DIP2C: variants seen among roughly 807,000 people sequenced by gnomAD.
DIP2C encodes the protein disco-interacting protein 2 homolog C.
In DIP2C, 33 loss-of-function variants were observed where a neutral mutation model predicts 192.4. That is an observed-to-expected ratio of 0.17 (90% CI 0.13 to 0.23). The LOEUF is 0.23. DIP2C is among the 10% of genes least tolerant of loss of function. DIP2C has a pLI of 1.00. For missense variants in DIP2C, 1,537 were observed against 2,110.1 expected (o/e 0.73, Z 5.32); for synonymous variants, 979 against 864.1 (o/e 1.13, Z -2.33).
intron 24 of DIP2C, among the ~76,000 whole-genome samples, chr10:354,608 T>C (rs1958987393): frequency 6.6e-6 from 1 of 151,990 alleles, no homozygotes; most frequent in Non-Finnish European, 1.5e-5. Context: ...CCCCCACACA[T>C]GGGAGCAGCG....
chr10:329,673 G>A, intron 29 of DIP2C, 72 bp from the exon 30 acceptor site: 1 of 1,516,670 alleles, frequency 6.6e-7, no homozygotes, highest in Non-Finnish European at 8.9e-7. Flanking sequence ...GGAGGGCTCA[G>A]GGCAGCACTG....
intron 1 of DIP2C, chr10:649,871 A>G (rs1433301149): frequency 1.8e-6 from 1 of 543,844 alleles, no homozygotes; most frequent in African/African-American, 1.9e-5. Flanking sequence ...CTTATTATCA[A>G]ACAGGTGCAT....
intron 1 of DIP2C, among the ~76,000 whole-genome samples, chr10:530,675 GACTGTT>G (rs1265195895): frequency 1.1e-5 from 1 of 89,444 alleles, no homozygotes; most frequent in African/African-American, 4.0e-5. Flanking sequence ...AAAAAAAAAA[GACTGTT>G]ACTAACATAG....
rs200127454 is a variant in DIP2C at position 545,744 on chromosome 10, A to AT, written c.86-59215dup. ...TCTTACACTGGATCCATTTTGAGCTATTTTTTTGTGTAGGGTGAGGGAGGG... is the reference window on the plus strand; with the variant it reads ...TCTTACACTGGATCCATTTTGAGCTATTTTTTTTGTGTAGGGTGAGGGAGGG... On this transcript the variant is annotated intron_variant, in intron 1 of 36. Coordinates refer to ENST00000280886, the MANE Select transcript of DIP2C (RefSeq NM_014974.3). Among the ~76,000 whole-genome samples, 7 of 152,206 alleles carry AT rather than the reference A, an allele frequency of 4.6e-5. No individual in the cohort carries two copies. The East Asian group carries it at 5.8e-4, about 13-fold the overall frequency.
intron 1 of DIP2C, among the ~76,000 whole-genome samples, chr10:621,467 G>A (rs995230277): frequency 1.9e-4 from 29 of 150,134 alleles, no homozygotes; most frequent in Admixed American, 7.9e-4. Flanking sequence ...CTCTGTATGC[G>A]CTCACGAGTC....
intron 4 of DIP2C, among the ~76,000 whole-genome samples, chr10:431,255 G>T (rs768138184): frequency 6.6e-6 from 1 of 152,064 alleles, no homozygotes; most frequent in Non-Finnish European, 1.5e-5. Flanking sequence ...AAACTCGTTC[G>T]GATGTTGGTT....
At chr10:345,259 T>C (rs1589551828) in intron 26 of DIP2C, 149 bp from the exon 27 acceptor site, 1 of 809,150 alleles carries the variant, frequency 1.2e-6, no homozygotes, top group Non-Finnish European at 2.1e-6. Flanking sequence ...CTGGCTAAGG[T>C]AGGACAGAGC....
intron 1 of DIP2C, among the ~76,000 whole-genome samples, chr10:684,761 C>T (rs768665864): frequency 6.6e-6 from 1 of 152,196 alleles, no homozygotes; most frequent in Non-Finnish European, 1.5e-5. Context: ...ATTTTAGGAT[C>T]CCCTCTTTGG....
chr10:664,590 C>T (rs751196403), intron 1 of DIP2C: 5 of 152,104 alleles, frequency 3.3e-5, no homozygotes, highest in African/African-American at 9.7e-5. Context: ...GTTATATGTC[C>T]GGGTTAATCA....
At chr10:433,950 CTTTCT>C (rs973832125) in intron 4 of DIP2C, among the ~76,000 whole-genome samples, 10 of 150,186 alleles carry the variant, frequency 6.7e-5, no homozygotes, top group African/African-American at 2.5e-4. Flanking sequence ...ATTTTCTTTC[CTTTCT>C]TATCATATCA....
intron 29 of DIP2C, among the ~76,000 whole-genome samples, chr10:331,925 C>G (rs116613896): frequency 0.018 from 2,722 of 150,772 alleles, 79 homozygotes; most frequent in African/African-American, 0.063. Flanking sequence ...TTAACCACTT[C>G]TTTTCTTTTT....
intron 31 of DIP2C, 42 bp downstream of exon 31, chr10:326,964 G>C: frequency 6.3e-7 from 1 of 1,582,220 alleles, no homozygotes; most frequent in Non-Finnish European, 8.6e-7. Flanking sequence ...CACCCCGGGA[G>C]CCACACTTCC....
chr10:416,302 C>T (rs1965632390), intron 6 of DIP2C, among the ~76,000 whole-genome samples: 1 of 152,052 alleles, frequency 6.6e-6, no homozygotes, highest in South Asian at 2.1e-4. Flanking sequence ...TCTATCTCTC[C>T]AGAGACCACC....
chr10:567,733 G>A (rs1207333972), intron 1 of DIP2C, among the ~76,000 whole-genome samples: 1 of 152,114 alleles, frequency 6.6e-6, no homozygotes, highest in Non-Finnish European at 1.5e-5. Flanking sequence ...CGCCTCCCAG[G>A]ATCAAGGGAT....
At chr10:445,341 T>A (rs1475085298) in intron 3 of DIP2C, among the ~76,000 whole-genome samples, 1 of 151,874 alleles carries the variant, frequency 6.6e-6, no homozygotes, top group Non-Finnish European at 1.5e-5. Context: ...TGTCTTGCAC[T>A]GGACATCTGT....
intron 1 of DIP2C, among the ~76,000 whole-genome samples, chr10:513,182 T>TGTAGCC (rs1196157941): frequency 3.3e-5 from 5 of 152,038 alleles, no homozygotes; most frequent in Non-Finnish European, 7.4e-5. Context: ...CTTCAGGTGC[T>TGTAGCC]GTATGCCTAA....
chr10:324,847 C>T (rs747910842), intron 31 of DIP2C: 30 of 483,450 alleles, frequency 6.2e-5, no homozygotes, highest in Admixed American at 4.4e-4. Context: ...AACACCAGCA[C>T]GCCAACTCTG....
intron 32 of DIP2C, among the ~76,000 whole-genome samples, chr10:291,882 T>C (rs1455844486): frequency 6.6e-6 from 1 of 152,136 alleles, no homozygotes; most frequent in East Asian, 1.9e-4. Context: ...TGGAGGGAGA[T>C]GCAGAGGTCT....
At chr10:577,326 G>C (rs1314244583) in intron 1 of DIP2C, among the ~76,000 whole-genome samples, 1 of 152,190 alleles carries the variant, frequency 6.6e-6, no homozygotes, top group African/African-American at 2.4e-5. Context: ...GGAAGAAGAA[G>C]TATCGGTACT....
Sources: gnomAD v4.1 joint callset for allele counts (sites outside exome capture counted in the v4.1 genomes callset) on GRCh38, gnomAD v4.1.1 for gene constraint, MANE v1.5 for transcripts, NCBI Gene and HGNC (gene_info 2026-07-23, HGNC 2026-07-21) for gene names.